HS2ST1: variants seen among roughly 807,000 people sequenced by gnomAD.
HS2ST1 encodes heparan sulfate 2-O-sulfotransferase 1.
Under a neutral mutation model 42.9 loss-of-function variants are expected in HS2ST1, and 18 were observed. That is an observed-to-expected ratio of 0.42 (90% CI 0.29 to 0.62). The LOEUF (loss-of-function observed/expected upper bound fraction) is 0.62. Among genes scored for constraint, HS2ST1 ranks in the 20% least tolerant of loss-of-function variants. The pLI, the probability that HS2ST1 is intolerant of heterozygous loss-of-function variation, is 0.21. For missense variants in HS2ST1, 334 were observed against 433.8 expected (o/e 0.77, Z 2.04); for synonymous variants, 146 against 152.9 (o/e 0.95, Z 0.33).
intron 1 of HS2ST1, among the ~76,000 whole-genome samples, chr1:87,068,736 G>A (rs1003993619): frequency 5.9e-5 from 9 of 152,032 alleles, no homozygotes; most frequent in African/African-American, 2.2e-4. Context: ...AACACATATT[G>A]TATATTGCAT....
intron 1 of HS2ST1, among the ~76,000 whole-genome samples, chr1:86,976,721 T>TATATATATATATATATA (rs61660936): frequency 5.9e-4 from 80 of 135,550 alleles, no homozygotes; most frequent in South Asian, 9.8e-4. Context: ...TATATATATA[T>TATATATATATATATATA]TTTAAATGCC....
At position 87,097,872 on chromosome 1, in the gene HS2ST1, A is replaced by G; in HGVS notation, c.623A>G (p.Asp208Gly). 1.2e-6 allele frequency: 2 copies of G among 1,614,076 alleles called. No individual in the cohort carries two copies. The highest frequency in any genetic ancestry group is 1.7e-6 in the Non-Finnish European group (2 of 1,179,952). ...FDECVAEGGS[D>G]CAPEKLWLQI... ...GAATGTGTAGCAGAAGGTGGCTCAG[A>G]CTGTGCTCCAGAGAAGCTCTGGCTT... Residue 208 changes from aspartate to glycine, a missense_variant, in exon 5 of 7, where the codon GAC becomes GGC. Physicochemically the swap from Asp to Gly is moderately conservative, Grantham distance 94 (BLOSUM62 -1). Coordinates refer to ENST00000370550, the MANE Select transcript of HS2ST1 (RefSeq NM_012262.4).
chr1:86,930,622 C>A (rs543996122), intron 1 of HS2ST1, among the ~76,000 whole-genome samples: 33 of 151,882 alleles, frequency 2.2e-4, no homozygotes, highest in Non-Finnish European at 3.7e-4. Flanking sequence ...TTTATAATTG[C>A]ATTGGAAAAG....
chr1:86,980,943 C>T (rs1648560613), intron 1 of HS2ST1, among the ~76,000 whole-genome samples: 1 of 152,130 alleles, frequency 6.6e-6, no homozygotes. Context: ...TGTTTTCACA[C>T]TGCTATAAAA....
At chr1:86,915,700 G>C (rs1411576614) in intron 1 of HS2ST1, among the ~76,000 whole-genome samples, 1 of 152,220 alleles carries the variant, frequency 6.6e-6, no homozygotes, top group Non-Finnish European at 1.5e-5. Flanking sequence ...GCACTCTTGT[G>C]CTCCGGGCAG....
At chr1:87,070,017 G>T (rs2100632137) in intron 1 of HS2ST1, among the ~76,000 whole-genome samples, 1 of 152,202 alleles carries the variant, frequency 6.6e-6, no homozygotes, top group African/African-American at 2.4e-5. Flanking sequence ...TTGATTTGAA[G>T]AAAAAACTAG....
chr1:86,914,805 G>C lies in HS2ST1; in HGVS notation c.-232G>C. 1.8e-6 allele frequency: 1 copy of C among 563,442 alleles called. No homozygotes were observed. The highest frequency in any genetic ancestry group is 3.1e-6 in the Non-Finnish European group (1 of 319,556). 34.9% of individuals were successfully genotyped at this position (563,442 alleles called of 1,614,324 possible). A position where few individuals can be genotyped will look rare whatever the true frequency, so the allele number is the denominator to read the frequency against. ...GCTGTTTGCTGCGCGGGCTTTTGGAGGGGGCGGCCGTTTAGTCGGCTGAGG... is the reference window on the plus strand; with the variant it reads ...GCTGTTTGCTGCGCGGGCTTTTGGACGGGGCGGCCGTTTAGTCGGCTGAGG... On this transcript the variant is annotated 5_prime_UTR_variant, in exon 1 of 7. Transcript: ENST00000370550.
At chr1:86,936,589 C>T (rs1012092599) in intron 1 of HS2ST1, among the ~76,000 whole-genome samples, 1 of 152,152 alleles carries the variant, frequency 6.6e-6, no homozygotes, top group Non-Finnish European at 1.5e-5. Context: ...TTCCTGTTTA[C>T]AGGTGAGTAA....
Position 87,105,948 on chromosome 1 carries a change from C to T in HS2ST1, c.*1252C>T, listed in dbSNP as rs1318492739. On this transcript the variant is annotated 3_prime_UTR_variant, in exon 7 of 7. Transcript: ENST00000370550. The stretch of plus-strand genomic sequence containing the variant: ...GCACTTACAGCTGTGTGATCTTGGG[C>T]AAGTCACTTAACCTCTCTTTGCCTC... The T allele has an allele frequency of 6.5e-6, 1 of 152,984 alleles. No individual in the cohort carries two copies. The highest frequency in any genetic ancestry group is 6.6e-5 in the Admixed American group (1 of 15,266). 9.5% of individuals were successfully genotyped at this position (152,984 alleles called of 1,614,324 possible).
At chr1:86,925,159 C>G (rs1364768626) in intron 1 of HS2ST1, among the ~76,000 whole-genome samples, 1 of 152,176 alleles carries the variant, frequency 6.6e-6, no homozygotes, top group Non-Finnish European at 1.5e-5. Flanking sequence ...TAAAACATAA[C>G]AAGAGCCACC....
chr1:86,983,629 G>A (rs953709978), intron 1 of HS2ST1, among the ~76,000 whole-genome samples: 5 of 152,048 alleles, frequency 3.3e-5, no homozygotes, highest in African/African-American at 9.7e-5. Context: ...GTGAATTGAT[G>A]TTAAAATCTG....
chr1:86,930,443 C>A (rs754443652), intron 1 of HS2ST1, among the ~76,000 whole-genome samples: 23 of 151,998 alleles, frequency 1.5e-4, no homozygotes, highest in Non-Finnish European at 3.1e-4. Context: ...TTTCACCTAA[C>A]CTTCCTCTAT....
chr1:87,025,584 A>AT (rs1027944231), intron 1 of HS2ST1, among the ~76,000 whole-genome samples: 5 of 152,146 alleles, frequency 3.3e-5, no homozygotes, highest in African/African-American at 1.2e-4. Flanking sequence ...AAATTTATGT[A>AT]TTTTTCATAT....
intron 3 of HS2ST1, among the ~76,000 whole-genome samples, chr1:87,091,999 A>G (rs1292923756): frequency 2.0e-5 from 3 of 152,042 alleles, no homozygotes; most frequent in Non-Finnish European, 4.4e-5. Flanking sequence ...TGTTCAAAAA[A>G]CACTATCAAA....
chr1:87,079,529 G>A (rs556366039), intron 2 of HS2ST1, among the ~76,000 whole-genome samples: 14 of 152,154 alleles, frequency 9.2e-5, no homozygotes, highest in South Asian at 4.1e-4. Flanking sequence ...TTTTTTCTTC[G>A]TCATAAAGAG....
intron 4 of HS2ST1, among the ~76,000 whole-genome samples, chr1:87,096,853 A>G (rs1570545916): frequency 6.6e-6 from 1 of 152,226 alleles, no homozygotes; most frequent in African/African-American, 2.4e-5. Context: ...CTCAAATTCA[A>G]ATAGCTATAG....
intron 1 of HS2ST1, among the ~76,000 whole-genome samples, chr1:87,038,180 A>G (rs914088529): frequency 1.3e-5 from 2 of 152,080 alleles, no homozygotes; most frequent in African/African-American, 4.8e-5. Context: ...TTCTATGACA[A>G]TATGCTGTGT....
intron 1 of HS2ST1, among the ~76,000 whole-genome samples, chr1:87,065,684 T>C (rs1378750685): frequency 6.6e-6 from 1 of 152,000 alleles, no homozygotes; most frequent in Non-Finnish European, 1.5e-5. Context: ...GATCCCAAAA[T>C]CATTATGAGC....
At chr1:86,937,218 T>C (rs1234950806) in intron 1 of HS2ST1, among the ~76,000 whole-genome samples, 1 of 152,218 alleles carries the variant, frequency 6.6e-6, no homozygotes, top group Non-Finnish European at 1.5e-5. Flanking sequence ...ATTGTATGTT[T>C]ATATTTTAAA....
Sources: gnomAD v4.1 joint callset for allele counts (sites outside exome capture counted in the v4.1 genomes callset) on GRCh38, gnomAD v4.1.1 for gene constraint, MANE v1.5 for transcripts, NCBI Gene and HGNC (gene_info 2026-07-23, HGNC 2026-07-21) for gene names.